UGT2B15: variants seen among roughly 807,000 people sequenced by gnomAD.
UGT2B15 encodes UDP-glucuronosyltransferase 2B15.
Under a neutral mutation model 45.9 loss-of-function variants are expected in UGT2B15, and 36 were observed. The ratio of observed to expected loss-of-function variants is 0.78; its 90% CI spans 0.60 to 1.04. UGT2B15 has a LOEUF of 1.04. Among genes scored for constraint, UGT2B15 ranks in the 50% least tolerant of loss-of-function variants. The probability of loss-of-function intolerance (pLI) is 0.00; values close to 1 mark genes in which losing one functional copy is unlikely to be tolerated. For synonymous variants in UGT2B15, 219 were observed against 216.4 expected, an observed-to-expected ratio of 1.01 and a Z score of -0.11; for missense variants, 617 against 622.4, an observed-to-expected ratio of 0.99 and a Z score of 0.09.
intron 4 of UGT2B15, among the ~76,000 whole-genome samples, 182 bp from the exon 5 acceptor site, chr4:68,654,438 A>G (rs1262887673): frequency 2.8e-5 from 4 of 144,886 alleles, no homozygotes; most frequent in African/African-American, 9.8e-5. Context: ...GAAAAAGCAT[A>G]TTCTTAATTA....
At chr4:68,653,751 T>G (rs895386959) in intron 5 of UGT2B15, among the ~76,000 whole-genome samples, 3 of 152,074 alleles carry the variant, frequency 2.0e-5, no homozygotes, top group African/African-American at 7.2e-5. Context: ...ATGTTCTTTC[T>G]TTTCATTGTG....
At chr4:68,664,778 C>G (rs1968718) in intron 2 of UGT2B15, among the ~76,000 whole-genome samples, 64,392 of 151,766 alleles carry the variant, frequency 0.42, 13,885 homozygotes, top group South Asian at 0.5. Flanking sequence ...CTTGGCCAGA[C>G]TGGTCTTGAC....
chr4:68,647,437 A>G (rs1205821988), intron 5 of UGT2B15, 54 bp from the exon 6 acceptor site: 1 of 1,549,666 alleles, frequency 6.5e-7, no homozygotes, highest in African/African-American at 1.4e-5. Context: ...TTGCTTAAGC[A>G]TATCAAGTCT....
chr4:68,660,914 G>A (rs944415618), intron 3 of UGT2B15, among the ~76,000 whole-genome samples: 33 of 151,944 alleles, frequency 2.2e-4, no homozygotes, highest in African/African-American at 7.5e-4. Context: ...ACTGATTTAT[G>A]GACTTCAGAG....
At position 68,670,224 on chromosome 4, in the gene UGT2B15, A is replaced by T. The variant is rs1733265986; in HGVS notation, c.395T>A (p.Val132Asp). 6.2e-7 allele frequency: 1 copy of T among 1,613,976 alleles called. No homozygotes were observed. Among genetic ancestry groups the T allele is most frequent in the Non-Finnish European group, 8.5e-7 (1 of 1,179,962 alleles). Residue 132 changes from valine to aspartate, a missense_variant, in exon 1 of 6, where the codon GTT (valine) becomes GAT (aspartate). Transcript: ENST00000338206. ...TTTCATCATAAGTTTCTTATTCAAA[A>T]CTGCATCTTTACAGAGCTTGTTACT... Reference protein sequence around the residue: ...DYSNKLCKDAVLNKKLMMKLQ... With the variant: ...DYSNKLCKDADLNKKLMMKLQ...
At chr4:68,669,587 T>C (rs1389885464) in intron 1 of UGT2B15, among the ~76,000 whole-genome samples, 3 of 152,028 alleles carry the variant, frequency 2.0e-5, no homozygotes, top group Non-Finnish European at 4.4e-5. Flanking sequence ...GAGGTATCTA[T>C]TGACTTTTTT....
At chr4:68,651,957 T>C (rs1443027934) in intron 5 of UGT2B15, among the ~76,000 whole-genome samples, 1 of 152,112 alleles carries the variant, frequency 6.6e-6, no homozygotes, top group African/African-American at 2.4e-5. Flanking sequence ...TATAAAATAC[T>C]TTGGGCAGCA....
rs1733268360 is a variant in UGT2B15, at chr4:68,670,265, C to T, written c.354G>A (p.Trp118Ter). Residue 118 changes from tryptophan (W) to a stop codon, truncating the protein, a stop_gained, in exon 1 of 6, where the codon TGG becomes TGA. Coordinates refer to ENST00000338206, the MANE Select transcript of UGT2B15 (RefSeq NM_001076.4). LOFTEE classifies it high-confidence loss of function. ...SYFSQLQELC[W>*]EYYDYSNKLC... Reference sequence around the variant, plus strand: ...GCTTGTTACTGTAGTCATAATATTCCCAACACAATTCTTGTAATTGTGAAA... The same window carrying T: ...GCTTGTTACTGTAGTCATAATATTCTCAACACAATTCTTGTAATTGTGAAA... 2 of 1,614,044 alleles carry T rather than the reference C, an allele frequency of 1.2e-6. No individual in the cohort carries two copies. The highest frequency in any genetic ancestry group is 8.5e-7 in the Non-Finnish European group (1 of 1,179,986).
chr4:68,649,350 C>G (rs1732583110), intron 5 of UGT2B15, among the ~76,000 whole-genome samples: 1 of 133,122 alleles, frequency 7.5e-6, no homozygotes, highest in Non-Finnish European at 1.5e-5. Context: ...GTGATCTTGG[C>G]TGACTGCAAT....
At position 68,647,154 on chromosome 4, in the gene UGT2B15, A is replaced by G. The variant is rs565300452; in HGVS notation, c.1543T>C (p.Phe515Leu). 1.3e-5 allele frequency: 21 copies of G among 1,613,880 alleles called. No individual in the cohort carries two copies. Among genetic ancestry groups the G allele is most frequent in the African/African-American group, 2.7e-5 (2 of 74,976 alleles). The change falls in exon 6 of 6, where the codon TTT (phenylalanine) becomes CTT (leucine). Residue 515 changes from phenylalanine to leucine, a missense_variant. Transcript: ENST00000338206. ...TTTTTGGCAAGCTTTCGGAAACAAA[A>G]CAGGCAAAATTTTGTGATGATAAAT... is the stretch of plus-strand genomic sequence containing the variant. ...VIFIITKFCL[F>L]CFRKLAKKGK...
chr4:68,670,387 G>T lies in UGT2B15; in HGVS notation c.232C>A (p.Pro78Thr). 1 of 1,613,602 alleles carries T rather than the reference G, an allele frequency of 6.2e-7. No individual in the cohort carries two copies. Among genetic ancestry groups the T allele is most frequent in the South Asian group, 1.1e-5 (1 of 90,932 alleles). Residue 78 changes from proline to threonine, a missense_variant, in exon 1 of 6, where the codon CCT (proline) becomes ACT (threonine). Pro to Thr is a conservative substitution (Grantham distance 38). This residue lies in a region of UGT2B15 where 351 missense variants were observed against 342.1 expected (regional missense o/e 1.03). Transcript: ENST00000338206. ...KSSAIKLEVY[P>T]TSLTKNYLED... ...AAATAATTTTTAGTTAAAGATGTAGGATAAACTTCTAATTTAATAGCAGAT... is the reference window on the plus strand; with the variant it reads ...AAATAATTTTTAGTTAAAGATGTAGTATAAACTTCTAATTTAATAGCAGAT...
chr4:68,653,973 T>C, intron 5 of UGT2B15, 64 bp downstream of exon 5: 1 of 1,586,380 alleles, frequency 6.3e-7, no homozygotes, highest in Non-Finnish European at 8.6e-7. Context: ...CGGGTTAAAA[T>C]TCATATTCAC....
chr4:68,657,360 C>G (rs1266221655), intron 3 of UGT2B15, among the ~76,000 whole-genome samples: 1 of 152,124 alleles, frequency 6.6e-6, no homozygotes, highest in Non-Finnish European at 1.5e-5. Flanking sequence ...ATTTTGAGCC[C>G]TCTCAGAGGT....
Position 68,668,231 on chromosome 4 carries a change from A to G in UGT2B15, c.725-43T>C, listed in dbSNP as rs1314047462. 4 of 1,606,404 alleles carry G rather than the reference A, an allele frequency of 2.5e-6. No individual in the cohort carries two copies. The African/African-American group carries it at 5.4e-5, about 22-fold the overall frequency. On this transcript the variant is annotated intron_variant, in intron 1 of 5. Coordinates refer to ENST00000338206, the MANE Select transcript of UGT2B15 (RefSeq NM_001076.4). Reference sequence around the variant, plus strand: ...AACAAAACAAAAGGTAGCTAACACGAGAATTGTTATTTGAATATGCAGGTA... The same window carrying G: ...AACAAAACAAAAGGTAGCTAACACGGGAATTGTTATTTGAATATGCAGGTA...
chr4:68,654,314 G>A, intron 4 of UGT2B15, 58 bp from the exon 5 acceptor site: 2 of 1,567,222 alleles, frequency 1.3e-6, no homozygotes, highest in Non-Finnish European at 1.7e-6. Context: ...AATTGAATAA[G>A]AAATGCACAA....
At chr4:68,668,369 G>A (rs1733204618) in intron 1 of UGT2B15, among the ~76,000 whole-genome samples, 181 bp from the exon 2 acceptor site, 1 of 151,956 alleles carries the variant, frequency 6.6e-6, no homozygotes, top group African/African-American at 2.4e-5. Flanking sequence ...TTTATTTATT[G>A]CATATGTTGC....
chr4:68,663,767 C>A (rs2109832471), intron 2 of UGT2B15, among the ~76,000 whole-genome samples: 1 of 149,764 alleles, frequency 6.7e-6, no homozygotes, highest in African/African-American at 2.5e-5. Context: ...CCCCCGACAC[C>A]CCCACCCCCC....
intron 3 of UGT2B15, among the ~76,000 whole-genome samples, chr4:68,661,315 T>A (rs1732959602): frequency 6.6e-6 from 1 of 152,016 alleles, no homozygotes; most frequent in South Asian, 2.1e-4. Context: ...GAATGCCTCC[T>A]CCCTGCTTCA....
intron 2 of UGT2B15, among the ~76,000 whole-genome samples, chr4:68,666,547 T>C (rs1362857494): frequency 6.6e-6 from 1 of 152,004 alleles, no homozygotes; most frequent in African/African-American, 2.4e-5. Flanking sequence ...AAAGTAGTCA[T>C]GATTGCTTAA....
Sources: allele counts gnomAD v4.1 joint callset (sites outside exome capture counted in the v4.1 genomes callset), GRCh38; gene constraint gnomAD v4.1.1; regional missense constraint gnomAD v4.1.1; transcripts MANE v1.5; gene names NCBI Gene and HGNC (gene_info 2026-07-23, HGNC 2026-07-21).